PTPRM: variants seen among roughly 807,000 people sequenced by gnomAD.
The protein encoded by PTPRM is receptor-type tyrosine-protein phosphatase mu.
A neutral mutation model predicts 186.7 loss-of-function variants in PTPRM; 47 were observed. The ratio of observed to expected loss-of-function variants is 0.25; its 90% CI spans 0.20 to 0.32. The LOEUF (loss-of-function observed/expected upper bound fraction) is 0.32, where lower values mean the gene tolerates loss of function less well. Ranked by LOEUF, PTPRM falls within the 10% of genes least tolerant of loss-of-function variation. PTPRM has a pLI of 1.00. For synonymous variants in PTPRM, 668 were observed against 674.9 expected, an observed-to-expected ratio of 0.99 and a Z score of 0.16; for missense variants, 1,494 against 1,865.0, an observed-to-expected ratio of 0.80 and a Z score of 3.66.
intron 7 of PTPRM, among the ~76,000 whole-genome samples, chr18:7,984,602 T>TATATATATATATAC (rs1214502563): frequency 4.1e-4 from 36 of 87,156 alleles, no homozygotes; most frequent in East Asian, 1.4e-3. Flanking sequence ...TATATATATA[T>TATATATATATATAC]ACACACACAC....
intron 7 of PTPRM, among the ~76,000 whole-genome samples, chr18:8,030,423 C>T (rs2085886699): frequency 2.0e-5 from 3 of 152,136 alleles, no homozygotes; most frequent in Admixed American, 2.0e-4. Flanking sequence ...GTTCTTCCCT[C>T]ATCATGGTCC....
At chr18:7,588,985 G>A (rs955061639) in intron 1 of PTPRM, among the ~76,000 whole-genome samples, 5 of 152,130 alleles carry the variant, frequency 3.3e-5, no homozygotes, top group African/African-American at 4.8e-5. Context: ...GAGTAGGTGG[G>A]ACCACAGGTG....
intron 13 of PTPRM, among the ~76,000 whole-genome samples, chr18:8,120,555 C>T (rs1421118719): frequency 6.7e-6 from 1 of 148,644 alleles, no homozygotes; most frequent in Non-Finnish European, 1.5e-5. Flanking sequence ...TGTAGTGGCG[C>T]GATCTCTGCT....
intron 11 of PTPRM, among the ~76,000 whole-genome samples, chr18:8,105,141 T>G (rs948665053): frequency 2.6e-5 from 4 of 152,200 alleles, no homozygotes; most frequent in Non-Finnish European, 5.9e-5. Flanking sequence ...AGGATCAAAA[T>G]GTCATTGAGT....
chr18:8,314,916 T>C, intron 21 of PTPRM, 59 bp downstream of exon 21: 2 of 1,164,460 alleles, frequency 1.7e-6, no homozygotes, highest in Non-Finnish European at 2.5e-6. Context: ...GGGTGCTATG[T>C]ATGATATTTT....
chr18:8,127,941 C>G (rs999754723), intron 13 of PTPRM, among the ~76,000 whole-genome samples: 1 of 152,084 alleles, frequency 6.6e-6, no homozygotes. Flanking sequence ...ATAAATGCTC[C>G]ACTTCCATAA....
chr18:7,656,008 A>G (rs1434322882), intron 1 of PTPRM, among the ~76,000 whole-genome samples: 2 of 152,338 alleles, frequency 1.3e-5, no homozygotes, highest in East Asian at 3.9e-4. Context: ...TGTGGAAAAC[A>G]GTATGGCAGT....
At chr18:8,274,103 T>C (rs904237722) in intron 19 of PTPRM, among the ~76,000 whole-genome samples, 1 of 152,228 alleles carries the variant, frequency 6.6e-6, no homozygotes, top group African/African-American at 2.4e-5. Flanking sequence ...CTCACTGTCA[T>C]GCTGTTTCGT....
intron 1 of PTPRM, among the ~76,000 whole-genome samples, chr18:7,594,254 G>T (rs78592735): frequency 0.03 from 4,507 of 152,240 alleles, 75 homozygotes; most frequent in Middle Eastern, 0.078. Flanking sequence ...AGCACTTTGG[G>T]TGGATCACCT....
intron 7 of PTPRM, among the ~76,000 whole-genome samples, chr18:8,013,105 G>A (rs539120141): frequency 7.2e-5 from 11 of 152,192 alleles, no homozygotes; most frequent in African/African-American, 2.6e-4. Context: ...TATTCTTAGG[G>A]ACTTCATGTT....
intron 2 of PTPRM, among the ~76,000 whole-genome samples, chr18:7,774,813 C>A (rs1464970067): frequency 6.6e-6 from 1 of 152,188 alleles, no homozygotes; most frequent in East Asian, 1.9e-4. Flanking sequence ...ATGTGTTCCA[C>A]TGAACACCAA....
chr18:8,027,306 T>C (rs1458964580), intron 7 of PTPRM, among the ~76,000 whole-genome samples: 2 of 152,246 alleles, frequency 1.3e-5, no homozygotes, highest in Non-Finnish European at 1.5e-5. Flanking sequence ...AATTATTTCG[T>C]GATCTTAGTT....
chr18:7,717,854 A>G (rs1024526757), intron 1 of PTPRM, among the ~76,000 whole-genome samples: 2 of 152,142 alleles, frequency 1.3e-5, no homozygotes, highest in Admixed American at 6.5e-5. Flanking sequence ...GAGTGAGTGG[A>G]GTTTGATCCC....
intron 1 of PTPRM, among the ~76,000 whole-genome samples, chr18:7,643,249 A>G (rs2038486330): frequency 6.6e-6 from 1 of 152,170 alleles, no homozygotes; most frequent in African/African-American, 2.4e-5. Context: ...ATAAAACTTT[A>G]TGTACTGACA....
At chr18:7,816,960 CTAGT>C (rs573199635) in intron 2 of PTPRM, among the ~76,000 whole-genome samples, 30 of 148,080 alleles carry the variant, frequency 2.0e-4, no homozygotes, top group Admixed American at 1.4e-3. Flanking sequence ...TTTATTTTTT[CTAGT>C]TAGTTAATTA....
chr18:7,688,050 C>T (rs2039647225), intron 1 of PTPRM, among the ~76,000 whole-genome samples: 1 of 152,132 alleles, frequency 6.6e-6, no homozygotes, highest in Admixed American at 6.6e-5. Context: ...TGCTGGATTA[C>T]AGGCATGAGC....
At chr18:7,740,525 C>T (rs1360236600) in intron 1 of PTPRM, among the ~76,000 whole-genome samples, 1 of 152,174 alleles carries the variant, frequency 6.6e-6, no homozygotes, top group African/African-American at 2.4e-5. Flanking sequence ...CTGAAATGAT[C>T]CTCCTGCTTC....
intron 14 of PTPRM, among the ~76,000 whole-genome samples, chr18:8,201,066 A>G (rs1207384121): frequency 6.6e-6 from 1 of 152,250 alleles, no homozygotes; most frequent in Admixed American, 6.5e-5. Flanking sequence ...CTGTAATCCC[A>G]GCACTTTGGG....
At chr18:8,252,806 T>C (rs2094540213) in intron 18 of PTPRM, among the ~76,000 whole-genome samples, 1 of 152,212 alleles carries the variant, frequency 6.6e-6, no homozygotes, top group African/African-American at 2.4e-5. Flanking sequence ...CACCATTTTG[T>C]GCACTTTTAT....
Sources: allele counts gnomAD v4.1 joint callset (sites outside exome capture counted in the v4.1 genomes callset), GRCh38; gene constraint gnomAD v4.1.1; transcripts MANE v1.5; gene names NCBI Gene and HGNC (gene_info 2026-07-23, HGNC 2026-07-21).